The following FAM118A variants were observed in gnomAD, a reference collection of about 807,000 sequenced individuals.
FAM118A encodes SIR2 antiphage like 2.
FAM118A carries 25 observed loss-of-function variants against 38.2 expected under a neutral mutation model. The observed-to-expected ratio is 0.65, with a 90% CI of 0.48 to 0.91. The LOEUF (loss-of-function observed/expected upper bound fraction) is 0.91. Ranked by LOEUF, FAM118A falls within the 40% of genes least tolerant of loss-of-function variation. FAM118A has a pLI of 0.00. For synonymous variants in FAM118A, 178 were observed against 184.1 expected (o/e 0.97, Z 0.27); for missense variants, 425 against 463.3 (o/e 0.92, Z 0.76).
chr22:45,313,984 TAGG>T (rs2084491811), intron 1 of FAM118A, among the ~76,000 whole-genome samples: 1 of 152,118 alleles, frequency 6.6e-6, no homozygotes, highest in Admixed American at 6.5e-5. Flanking sequence ...CCAGCAACCT[TAGG>T]AGGTATAAGA....
In FAM118A at chr22:45,330,738, C is replaced by A; in HGVS notation, c.651+7C>A. The A allele has an allele frequency of 6.4e-7, 1 of 1,551,132 alleles. No individual in the cohort carries two copies. The highest frequency in any genetic ancestry group is 1.2e-5 in the South Asian group (1 of 81,706). On this transcript the variant is annotated splice_region_variant and intron_variant, in intron 5 of 8. Transcript: ENST00000441876. ...TCAAGACGCAGAAGTCATGGTACGG[C>A]CCGTCCTAATTAGCATCGGTGCGTC...
Position 45,332,594 on chromosome 22 carries a change from A to G in FAM118A, c.821A>G (p.His274Arg). 6.2e-7 allele frequency: 1 copy of G among 1,614,206 alleles called. No homozygotes were observed. Among genetic ancestry groups the G allele is most frequent in the Non-Finnish European group, 8.5e-7 (1 of 1,180,042 alleles). The change falls in exon 6 of 9, where the codon CAT becomes CGT. Residue 274 changes from histidine (H) to arginine (R), a missense_variant. By Grantham distance (29) the His-to-Arg change is conservative. Coordinates refer to ENST00000441876, the MANE Select transcript of FAM118A (RefSeq NM_017911.4). ...LKENEDHFFK[H>R]QADMLLHGIK... ...GAGAATGAAGACCATTTCTTTAAGC[A>G]TCAGGCAGATATGCTTCTGCACGGA...
At chr22:45,313,781 A>G (rs899592165) in intron 1 of FAM118A, among the ~76,000 whole-genome samples, 1 of 152,198 alleles carries the variant, frequency 6.6e-6, no homozygotes, top group Non-Finnish European at 1.5e-5. Context: ...ACCAAAATGT[A>G]ATGACTGTTG....
chr22:45,334,026 A>G (rs2085914036), intron 6 of FAM118A, among the ~76,000 whole-genome samples: 1 of 152,216 alleles, frequency 6.6e-6, no homozygotes, highest in African/African-American at 2.4e-5. Context: ...CTGCAGTTGA[A>G]AAGTTACAAC....
chr22:45,319,415 A>G (rs2146609728), intron 1 of FAM118A, among the ~76,000 whole-genome samples: 1 of 152,306 alleles, frequency 6.6e-6, no homozygotes, highest in Non-Finnish European at 1.5e-5. Context: ...CCCCTTCCAA[A>G]TAGGATTGAA....
chr22:45,337,461 G>C (rs73442449), intron 8 of FAM118A, among the ~76,000 whole-genome samples: 2,380 of 152,054 alleles, frequency 0.016, 64 homozygotes, highest in African/African-American at 0.054. Context: ...TTAATATTGG[G>C]GCTTGAAGAC....
Position 45,322,440 on chromosome 22 carries a change from A to G in FAM118A, c.47+14A>G. ...ACAAAAATCCAGGTAATTAAAGGCA[A>G]CTATACCTTCAAGCAGCTTCATTGA... On this transcript the variant is annotated intron_variant, in intron 2 of 8. Transcript: ENST00000441876. The G allele has an allele frequency of 6.2e-7, 1 of 1,604,960 alleles. No individual in the cohort carries two copies. Among genetic ancestry groups the G allele is most frequent in the Non-Finnish European group, 8.5e-7 (1 of 1,176,082 alleles).
chr22:45,332,492 A>G lies in FAM118A; in HGVS notation c.719A>G (p.Asp240Gly), dbSNP rs1290086091. The change falls in exon 6 of 9, where the codon GAT becomes GGT. Residue 240 changes from aspartate to glycine, a missense_variant. Physicochemically the swap from Asp to Gly is moderately conservative, Grantham distance 94 (BLOSUM62 -1). Coordinates refer to ENST00000441876, the MANE Select transcript of FAM118A (RefSeq NM_017911.4). ...LFVGCGETLR[D>G]QIFQALFLYS... is the part of the protein sequence containing the mutation. ...GTGGGCTGTGGGGAGACCCTTCGTG[A>G]TCAGATATTCCAGGCCCTCTTTCTT... 1 of 1,614,176 alleles carries G rather than the reference A, an allele frequency of 6.2e-7. No homozygotes were observed. Among genetic ancestry groups the G allele is most frequent in the East Asian group, 2.2e-5 (1 of 44,878 alleles).
At chr22:45,316,854 G>C (rs1029758148) in intron 1 of FAM118A, among the ~76,000 whole-genome samples, 1 of 152,070 alleles carries the variant, frequency 6.6e-6, no homozygotes, top group Admixed American at 6.6e-5. Context: ...CAAATTCTGG[G>C]GTCATTTTAT....
Position 45,336,382 on chromosome 22 carries a change from T to G in FAM118A, c.1025T>G (p.Val342Gly), listed in dbSNP as rs773379281. 6.2e-7 allele frequency: 1 copy of G among 1,613,962 alleles called. No homozygotes were observed. The highest frequency in any genetic ancestry group is 2.2e-5 in the East Asian group (1 of 44,892). ...KRKLEENGIE[V>G]SKKRTQSDTD... ...AAGTTAGAAGAGAATGGAATTGAAGTTTCAAAAAAACGCACACAATCAGAT... is the reference window on the plus strand; with the variant it reads ...AAGTTAGAAGAGAATGGAATTGAAGGTTCAAAAAAACGCACACAATCAGAT... Residue 342 changes from valine to glycine, a missense_variant, in exon 8 of 9, where the codon GTT becomes GGT. Transcript: ENST00000441876.
intron 1 of FAM118A, among the ~76,000 whole-genome samples, chr22:45,311,367 C>A (rs1249519191): frequency 1.3e-5 from 2 of 152,122 alleles, no homozygotes; most frequent in African/African-American, 4.8e-5. Flanking sequence ...CTCCCGGAGG[C>A]CCACCGTGCC....
intron 2 of FAM118A, 36 bp downstream of exon 2, chr22:45,322,462 T>C (rs766457529): frequency 2.6e-6 from 4 of 1,565,978 alleles, no homozygotes; most frequent in South Asian, 1.2e-5. Context: ...AGCAGCTTCA[T>C]TGACTTCATC....
At chr22:45,330,507 A>G (rs1401759005) in intron 4 of FAM118A, 96 bp from the exon 5 acceptor site, 1 of 1,308,244 alleles carries the variant, frequency 7.6e-7, no homozygotes, top group Non-Finnish European at 1.0e-6. Context: ...TTTCCAAGAT[A>G]GGTTTAAAAA....
chr22:45,332,627 T>A lies in FAM118A; in HGVS notation c.854T>A (p.Val285Asp), dbSNP rs2085802495. ...QADMLLHGIK[V>D]VSYGDCFDHF... ...GATATGCTTCTGCACGGAATCAAAGTTGTATCCTACGGGGACTGTTTTGAC... is the reference window on the plus strand; with the variant it reads ...GATATGCTTCTGCACGGAATCAAAGATGTATCCTACGGGGACTGTTTTGAC... The change falls in exon 6 of 9, where the codon GTT (valine) becomes GAT (aspartate). Residue 285 changes from valine to aspartate, a missense_variant. Coordinates refer to ENST00000441876, the MANE Select transcript of FAM118A (RefSeq NM_017911.4). 6.2e-7 allele frequency: 1 copy of A among 1,614,250 alleles called. No individual in the cohort carries two copies. Among genetic ancestry groups the A allele is most frequent in the Admixed American group, 1.7e-5 (1 of 60,030 alleles).
chr22:45,323,754 G>A (rs771006994), intron 3 of FAM118A, among the ~76,000 whole-genome samples: 7 of 152,352 alleles, frequency 4.6e-5, no homozygotes, highest in South Asian at 2.1e-4. Context: ...TCCCTTAGGC[G>A]TGTTTGGTGT....
rs371408600 is a variant in FAM118A, at chr22:45,310,123, C to G, written c.-70C>G. 6.6e-6 allele frequency: 1 copy of G among 151,828 alleles called. No homozygotes were observed. The highest frequency in any genetic ancestry group is 1.5e-5 in the Non-Finnish European group (1 of 67,946). The allele number at this position is 151,828 out of a possible 1,614,324, so 9.4% of individuals were successfully genotyped here. A position where few individuals can be genotyped will look rare whatever the true frequency, so the allele number is the denominator to read the frequency against. On this transcript the variant is annotated 5_prime_UTR_variant, in exon 1 of 9. Transcript: ENST00000441876. ...CGCCGAGAGACCCCGGAGGCGTAGC[C>G]GGCTGCGGAGGCGAAGAGGTGGCAG...
chr22:45,326,172 C>T (rs899319689), intron 3 of FAM118A, among the ~76,000 whole-genome samples: 6 of 151,898 alleles, frequency 4.0e-5, no homozygotes, highest in Admixed American at 2.0e-4. Flanking sequence ...CTCCTGAACC[C>T]GCCCCCACCC....
chr22:45,335,981 G>A (rs2146714000), intron 7 of FAM118A, among the ~76,000 whole-genome samples: 1 of 152,322 alleles, frequency 6.6e-6, no homozygotes, highest in Admixed American at 6.5e-5. Flanking sequence ...TGTTTTCCCT[G>A]GCTGTTTGGC....
rs1238079116 is a variant in FAM118A at position 45,340,597 on chromosome 22, A to G, written c.*192A>G. ...TCCCCTGTGTGTTGAACTATGCAGG[A>G]GGGTGACGCGGACACATTTCAGGTG... On this transcript the variant is annotated 3_prime_UTR_variant, in exon 9 of 9. Transcript: ENST00000441876. The G allele has an allele frequency of 1.6e-6, 1 of 644,602 alleles. No homozygotes were observed. The allele number at this position is 644,602 out of a possible 1,614,324, so 39.9% of individuals were successfully genotyped here.
Sources: allele counts gnomAD v4.1 joint callset (sites outside exome capture counted in the v4.1 genomes callset), GRCh38; gene constraint gnomAD v4.1.1; transcripts MANE v1.5; gene names NCBI Gene and HGNC (gene_info 2026-07-23, HGNC 2026-07-21).